Variants in CSMD3 observed in about 807,000 individuals in gnomAD.
CSMD3 encodes the protein CUB and sushi domain-containing protein 3.
Under a neutral mutation model 435.2 loss-of-function variants are expected in CSMD3, and 177 were observed. The ratio of observed to expected loss-of-function variants is 0.41; its 90% confidence interval spans 0.36 to 0.46. The LOEUF is 0.46. CSMD3 is among the 20% of genes least tolerant of loss of function. The pLI, the probability that CSMD3 is intolerant of heterozygous loss-of-function variation, is 0.34. For synonymous variants in CSMD3, 1,656 were observed against 1,520.5 expected (o/e 1.09, Z -2.07); for missense variants, 4,265 against 4,504.6 (o/e 0.95, Z 1.52).
chr8:113,341,208 T>A (rs2094116475), intron 1 of CSMD3, among the ~76,000 whole-genome samples: 1 of 152,140 alleles, frequency 6.6e-6, no homozygotes, highest in East Asian at 1.9e-4. Flanking sequence ...CATATAAGCA[T>A]ATGTATGTAT....
chr8:112,783,973 T>A (rs2078469806), intron 13 of CSMD3, among the ~76,000 whole-genome samples: 1 of 152,158 alleles, frequency 6.6e-6, no homozygotes, highest in African/African-American at 2.4e-5. Context: ...AAGAAAGAGA[T>A]AGATTCTAAT....
chr8:113,058,616 T>C (rs920378295), intron 5 of CSMD3, among the ~76,000 whole-genome samples: 19 of 152,024 alleles, frequency 1.2e-4, no homozygotes, highest in Admixed American at 1.3e-4. Context: ...CACTTAAAGA[T>C]GCTAAGTTGA....
chr8:112,715,559 C>T (rs999543542), intron 13 of CSMD3, among the ~76,000 whole-genome samples: 2 of 152,158 alleles, frequency 1.3e-5, no homozygotes, highest in African/African-American at 4.8e-5. Context: ...AGAGTCTCCT[C>T]CCTAATGCAT....
At chr8:112,733,975 T>C (rs2077130399) in intron 13 of CSMD3, among the ~76,000 whole-genome samples, 1 of 151,560 alleles carries the variant, frequency 6.6e-6, no homozygotes, top group Non-Finnish European at 1.5e-5. Flanking sequence ...TAATCATTAT[T>C]ATCCTCCAAG....
chr8:113,389,769 A>G (rs1433542756), intron 1 of CSMD3, among the ~76,000 whole-genome samples: 4 of 151,918 alleles, frequency 2.6e-5, no homozygotes, highest in African/African-American at 9.6e-5. Context: ...TACAGGACTG[A>G]GGGGTTTCCC....
chr8:112,705,491 T>G (rs993876586), intron 13 of CSMD3, among the ~76,000 whole-genome samples: 3 of 152,102 alleles, frequency 2.0e-5, no homozygotes, highest in Non-Finnish European at 4.4e-5. Context: ...CTTCATTTCT[T>G]GAGGACTCTC....
intron 52 of CSMD3, among the ~76,000 whole-genome samples, chr8:112,304,025 A>G (rs1211059930): frequency 6.6e-6 from 1 of 152,106 alleles, no homozygotes; most frequent in Non-Finnish European, 1.5e-5. Flanking sequence ...TGAATATCCT[A>G]TGTTCTGTTA....
At chr8:112,324,317 T>C (rs1353068528) in intron 45 of CSMD3, among the ~76,000 whole-genome samples, 1 of 152,118 alleles carries the variant, frequency 6.6e-6, no homozygotes, top group Non-Finnish European at 1.5e-5. Context: ...AATTGTTTTA[T>C]GTATTGGTTC....
chr8:112,351,325 A>G, intron 39 of CSMD3, 81 bp from the exon 40 acceptor site: 1 of 930,966 alleles, frequency 1.1e-6, no homozygotes, highest in Admixed American at 1.7e-5. Flanking sequence ...TATTATTATA[A>G]AAACAAGCTT....
chr8:112,975,360 T>C (rs2084806664), intron 7 of CSMD3, among the ~76,000 whole-genome samples: 1 of 152,104 alleles, frequency 6.6e-6, no homozygotes, highest in Admixed American at 6.6e-5. Context: ...TGTTTCCCAA[T>C]CAAACTGTAC....
intron 35 of CSMD3, among the ~76,000 whole-genome samples, chr8:112,395,267 A>G (rs1227167445): frequency 6.6e-6 from 1 of 152,192 alleles, no homozygotes; most frequent in African/African-American, 2.4e-5. Context: ...AAGAGGTTTT[A>G]CTATCTGTAA....
chr8:112,768,509 A>G (rs1165096942), intron 13 of CSMD3, among the ~76,000 whole-genome samples: 1 of 151,950 alleles, frequency 6.6e-6, no homozygotes, highest in Non-Finnish European at 1.5e-5. Context: ...GATGTCCTTA[A>G]ACACAGTGTT....
intron 67 of CSMD3, among the ~76,000 whole-genome samples, chr8:112,236,895 T>C (rs1813639012): frequency 6.6e-6 from 1 of 152,118 alleles, no homozygotes. Context: ...TAGAGAAAGA[T>C]TTAGTTGTAT....
intron 5 of CSMD3, among the ~76,000 whole-genome samples, chr8:113,088,013 GA>G (rs916178052): frequency 2.0e-5 from 3 of 147,984 alleles, no homozygotes; most frequent in Non-Finnish European, 4.5e-5. Flanking sequence ...AAATTTACAA[GA>G]AAAAAACAAA....
rs767604504 is a variant in CSMD3 at position 112,255,302 on chromosome 8, T to C, written c.9988A>G (p.Ile3330Val). ...CTCCAAGTGCCATCTGCTTGACATA[T>C]TCTGGTGCTTGATCCCACTAATATG... ...PFILVGSSTR[I>V]CQADGTWSGS... Residue 3330 changes from isoleucine to valine, a missense_variant, in exon 62 of 71, where the codon ATA (isoleucine) becomes GTA (valine). Transcript: ENST00000297405. 2 of 1,613,656 alleles carry C rather than the reference T, an allele frequency of 1.2e-6. No homozygotes were observed. Among genetic ancestry groups the C allele is most frequent in the East Asian group, 2.2e-5 (1 of 44,832 alleles).
chr8:112,232,983 CTTA>C (rs1375068433), intron 68 of CSMD3, among the ~76,000 whole-genome samples: 1 of 152,168 alleles, frequency 6.6e-6, no homozygotes, highest in East Asian at 1.9e-4. Context: ...TAACTAAATA[CTTA>C]TTATTGTTTG....
intron 32 of CSMD3, among the ~76,000 whole-genome samples, chr8:112,468,691 G>GA (rs1818219485): frequency 6.6e-6 from 1 of 151,266 alleles, no homozygotes; most frequent in Admixed American, 6.6e-5. Flanking sequence ...TAAACCATAA[G>GA]AAAAAACAAC....
intron 6 of CSMD3, among the ~76,000 whole-genome samples, chr8:112,997,178 A>C (rs2131048961): frequency 6.6e-6 from 1 of 151,856 alleles, no homozygotes; most frequent in African/African-American, 2.4e-5. Context: ...TGGTGAAAAC[A>C]AAAAGTTGAT....
intron 7 of CSMD3, among the ~76,000 whole-genome samples, chr8:112,972,046 T>C (rs993843360): frequency 1.3e-5 from 2 of 151,896 alleles, no homozygotes; most frequent in Admixed American, 6.6e-5. Flanking sequence ...TTTATCTATG[T>C]GTTAATTCAC....
Sources: allele counts gnomAD v4.1 joint callset (sites outside exome capture counted in the v4.1 genomes callset), GRCh38; gene constraint gnomAD v4.1.1; transcripts MANE v1.5; gene names NCBI Gene and HGNC (gene_info 2026-07-23, HGNC 2026-07-21).